ANKHD1: variants seen among roughly 807,000 people sequenced by gnomAD.
The protein encoded by ANKHD1 is ankyrin repeat and KH domain containing 1.
Under a neutral mutation model 230.5 loss-of-function variants are expected in ANKHD1, and 31 were observed. The observed-to-expected ratio is 0.13, with a 90% CI of 0.10 to 0.18. The LOEUF (loss-of-function observed/expected upper bound fraction) is 0.18, where lower values mean the gene tolerates loss of function less well. Ranked by LOEUF, ANKHD1 falls within the 10% of genes least tolerant of loss-of-function variation. ANKHD1 has a pLI of 1.00. For missense variants in ANKHD1, 2,256 were observed against 3,071.3 expected (o/e 0.73, Z 6.27); for synonymous variants, 1,074 against 1,117.6 (o/e 0.96, Z 0.78).
At chr5:140,408,775 G>A (rs1770686070) in intron 1 of ANKHD1, among the ~76,000 whole-genome samples, 1 of 152,134 alleles carries the variant, frequency 6.6e-6, no homozygotes, top group Non-Finnish European at 1.5e-5. Flanking sequence ...ACACAGTGCG[G>A]TGGCATGGTC....
chr5:140,430,478 T>G (rs964097708), intron 1 of ANKHD1, among the ~76,000 whole-genome samples: 6 of 152,166 alleles, frequency 3.9e-5, no homozygotes, highest in African/African-American at 1.4e-4. Flanking sequence ...GCTTTTATAT[T>G]CATTTGCTTG....
intron 7 of ANKHD1, among the ~76,000 whole-genome samples, chr5:140,454,618 C>T (rs1425980039): frequency 1.2e-4 from 18 of 152,020 alleles, no homozygotes; most frequent in African/African-American, 4.3e-4. Flanking sequence ...GACTACTGGG[C>T]ACATAACGAA....
intron 24 of ANKHD1, among the ~76,000 whole-genome samples, chr5:140,523,108 C>CTT (rs374008554): frequency 7.4e-4 from 69 of 93,478 alleles, no homozygotes; most frequent in African/African-American, 1.4e-3. Flanking sequence ...TTTCTTTTTC[C>CTT]TTTTTTTTTT....
Position 140,528,452 on chromosome 5 carries a change from C to T in ANKHD1, c.5506C>T (p.Pro1836Ser). The T allele has an allele frequency of 6.2e-7, 1 of 1,614,156 alleles. No individual in the cohort carries two copies. The highest frequency in any genetic ancestry group is 1.7e-5 in the Admixed American group (1 of 60,014). ...CGCTAATAAACTTAATAAGAATGTTCCAACAAATGTACGTTCTTCTTTCCC... is the reference window on the plus strand; with the variant it reads ...CGCTAATAAACTTAATAAGAATGTTTCAACAAATGTACGTTCTTCTTTCCC... ...QPANKLNKNV[P>S]TNVRSSFPVS... The change falls in exon 29 of 34, where the codon CCA becomes TCA. Residue 1836 changes from proline to serine, a missense_variant. This residue lies in a region of ANKHD1 where 778 missense variants were observed against 966.5 expected (regional missense o/e 0.80). Transcript: ENST00000360839.
chr5:140,401,928 G>A lies in ANKHD1; in HGVS notation c.-40G>A, dbSNP rs1188043988. ...CCCGAGATCAGCGGCGGCGGTGACC[G>A]CGAGTGGGTCGGCACCGTCTCCGGC... On this transcript the variant is annotated 5_prime_UTR_variant, in exon 1 of 34. Coordinates refer to ENST00000360839, the MANE Select transcript of ANKHD1 (RefSeq NM_017747.3). The A allele has an allele frequency of 6.5e-7, 1 of 1,532,554 alleles. No homozygotes were observed. The highest frequency in any genetic ancestry group is 8.7e-7 in the Non-Finnish European group (1 of 1,148,610). The allele number at this position is 1,532,554 out of a possible 1,614,324, so 94.9% of individuals were successfully genotyped here. A position where few individuals can be genotyped will look rare whatever the true frequency, so the allele number is the denominator to read the frequency against.
At chr5:140,428,095 G>A (rs1772687290) in intron 1 of ANKHD1, among the ~76,000 whole-genome samples, 1 of 150,776 alleles carries the variant, frequency 6.6e-6, no homozygotes, top group South Asian at 2.1e-4. Flanking sequence ...GGGAAGAGGT[G>A]CTCCTCACTT....
intron 1 of ANKHD1, among the ~76,000 whole-genome samples, chr5:140,415,136 C>T (rs531814301): frequency 5.9e-5 from 9 of 152,102 alleles, no homozygotes; most frequent in East Asian, 5.8e-4. Flanking sequence ...ATAATCCCAG[C>T]GCTTTGGGGG....
At chr5:140,472,426 C>A in intron 10 of ANKHD1, 2 of 1,397,020 alleles carry the variant, frequency 1.4e-6, no homozygotes, top group South Asian at 1.8e-5. Context: ...AAATCCTCTT[C>A]AATTGAAAAA....
intron 9 of ANKHD1, among the ~76,000 whole-genome samples, chr5:140,461,850 G>A (rs1561760040): frequency 1.3e-5 from 2 of 151,984 alleles, no homozygotes; most frequent in African/African-American, 4.8e-5. Context: ...AGCCATTTTT[G>A]TATTTCTCTG....
At chr5:140,498,381 C>G (rs1056278660) in intron 15 of ANKHD1, among the ~76,000 whole-genome samples, 3 of 152,138 alleles carry the variant, frequency 2.0e-5, no homozygotes, top group Non-Finnish European at 4.4e-5. Flanking sequence ...TTACTGAAAT[C>G]AGGAATTTTA....
chr5:140,475,310 A>G (rs1402561025), intron 10 of ANKHD1, among the ~76,000 whole-genome samples: 1 of 152,212 alleles, frequency 6.6e-6, no homozygotes, highest in Non-Finnish European at 1.5e-5. Context: ...CCCAAGGAGA[A>G]TTAAGGGCTA....
chr5:140,496,712 A>G lies in ANKHD1; in HGVS notation c.2438A>G (p.Asn813Ser). The part of the protein sequence containing the change: ...SLELIQGEPL[N>S]KDKIEELKKN... ...GAGTTAATTCAAGGTGAACCTCTGA[A>G]CAAAGATAAGATAGAAGAACTTAAA... is the stretch of plus-strand genomic sequence containing the variant. Residue 813 changes from asparagine to serine, a missense_variant, in exon 15 of 34, where the codon AAC becomes AGC. By Grantham distance (46) the Asn-to-Ser change is conservative. This residue lies in a region of ANKHD1 where 358 missense variants were observed against 397.7 expected (regional missense o/e 0.90). Transcript: ENST00000360839. The G allele has an allele frequency of 6.2e-7, 1 of 1,613,960 alleles. No homozygotes were observed. Among genetic ancestry groups the G allele is most frequent in the Non-Finnish European group, 8.5e-7 (1 of 1,179,976 alleles).
At chr5:140,458,298 G>T (rs770070635) in intron 7 of ANKHD1, among the ~76,000 whole-genome samples, 2 of 152,108 alleles carry the variant, frequency 1.3e-5, no homozygotes, top group African/African-American at 2.4e-5. Context: ...ATTGACTATA[G>T]ATTTCACAGT....
intron 11 of ANKHD1, 183 bp from the exon 12 acceptor site, chr5:140,484,938 C>A: frequency 1.0e-6 from 1 of 973,190 alleles, no homozygotes; most frequent in Non-Finnish European, 1.4e-6. Flanking sequence ...TCTGTTTCTT[C>A]CTCTGGGTGC....
rs569406351 is a variant in ANKHD1 at position 140,527,295 on chromosome 5, T to G, written c.5087+221T>G. 29 of 541,172 alleles carry G rather than the reference T, an allele frequency of 5.4e-5. No individual in the cohort carries two copies. Among genetic ancestry groups the G allele is most frequent in the Non-Finnish European group, 7.8e-5 (27 of 344,496 alleles). The allele number at this position is 541,172 out of a possible 1,614,324, so 33.5% of individuals were successfully genotyped here. ...GAAATTTTGGCTTTTTTGGATAACC[T>G]CAGTTGCTTTTTATGTAGTTCAAAT... On this transcript the variant is annotated intron_variant, in intron 27 of 33. Coordinates refer to ENST00000360839, the MANE Select transcript of ANKHD1 (RefSeq NM_017747.3). The surrounding 1 kb of genome is among the most constrained non-coding windows in gnomAD (Gnocchi z 4.5).
At chr5:140,446,549 T>G (rs760253690) in intron 6 of ANKHD1, among the ~76,000 whole-genome samples, 3 of 151,936 alleles carry the variant, frequency 2.0e-5, no homozygotes, top group African/African-American at 4.8e-5. Context: ...TTAGTAGAGA[T>G]AGGGTTTCAC....
intron 9 of ANKHD1, among the ~76,000 whole-genome samples, chr5:140,461,056 G>A (rs1287338940): frequency 1.2e-4 from 18 of 152,152 alleles, no homozygotes; most frequent in African/African-American, 4.8e-5. Context: ...CTATTGTAAC[G>A]TGTTTTTAAA....
At chr5:140,474,592 TTTC>T (rs984666921) in intron 10 of ANKHD1, among the ~76,000 whole-genome samples, 1 of 150,984 alleles carries the variant, frequency 6.6e-6, no homozygotes, top group Non-Finnish European at 1.5e-5. Flanking sequence ...ACCTTTTTTT[TTTC>T]TTCTTTTTTT....
Position 140,528,849 on chromosome 5 carries a change from AGAC to A in ANKHD1, c.5904_5906del (p.Thr1969del). 6.2e-7 allele frequency: 1 copy of A among 1,614,070 alleles called. No homozygotes were observed. Among genetic ancestry groups the A allele is most frequent in the Non-Finnish European group, 8.5e-7 (1 of 1,180,038 alleles). On this transcript the variant is annotated inframe_deletion, in exon 29 of 34. Transcript: ENST00000360839. ...AAGCAGTTGTTTGCCTGTGTGCCTA[AGAC>A]AAGTCCTCCAGCAACAGTGATTTCT...
Sources: gnomAD v4.1 joint callset for allele counts (sites outside exome capture counted in the v4.1 genomes callset) on GRCh38, gnomAD v4.1.1 for gene constraint, gnomAD v4.1.1 regional missense constraint, Gnocchi (gnomAD v3.1) non-coding constraint, MANE v1.5 for transcripts, NCBI Gene and HGNC (gene_info 2026-07-23, HGNC 2026-07-21) for gene names.